Variants in PRKAG2 observed in about 807,000 individuals in gnomAD.
PRKAG2 encodes the protein 5'-AMP-activated protein kinase subunit gamma-2.
PRKAG2 carries 26 observed loss-of-function variants against 69.6 expected under a neutral mutation model. The ratio of observed to expected loss-of-function variants is 0.37; its 90% CI spans 0.27 to 0.52. The LOEUF is 0.52. Among genes scored for constraint, PRKAG2 ranks in the 20% least tolerant of loss-of-function variants. The pLI, the probability that PRKAG2 is intolerant of heterozygous loss-of-function variation, is 0.90. For missense variants in PRKAG2, 557 were observed against 740.0 expected (o/e 0.75, Z 2.87); for synonymous variants, 293 against 285.0 (o/e 1.03, Z -0.28).
At chr7:151,849,240 G>A (rs1425257430) in intron 1 of PRKAG2, among the ~76,000 whole-genome samples, 8 of 152,250 alleles carry the variant, frequency 5.3e-5, no homozygotes, top group African/African-American at 1.4e-4. Flanking sequence ...CCGATGCACC[G>A]TGCTTTGGAG....
Position 151,719,010 on chromosome 7 carries a change from C to T in PRKAG2, c.467-43373G>A, listed in dbSNP as rs1033776012. ...TCAGATGATTCCTGTTCTCTCTGTG[C>T]TCAGACTTTCCAACCCACCCACAAA... On this transcript the variant is annotated intron_variant, in intron 3 of 15. Transcript: ENST00000287878. This position sits in a 1 kb window ranked among gnomAD's most constrained non-coding sequence, Gnocchi z 5.2. 6.6e-6 allele frequency among the ~76,000 whole-genome samples: 1 copy of T among 152,178 alleles called. No individual in the cohort carries two copies. Among genetic ancestry groups the T allele is most frequent in the Admixed American group, 6.5e-5 (1 of 15,290 alleles).
chr7:151,789,964 G>A (rs2077196063), intron 1 of PRKAG2, among the ~76,000 whole-genome samples: 1 of 152,186 alleles, frequency 6.6e-6, no homozygotes, highest in Non-Finnish European at 1.5e-5. Flanking sequence ...AGCCCAGGCA[G>A]AGGGTTTGTC....
intron 3 of PRKAG2, among the ~76,000 whole-genome samples, chr7:151,759,553 G>A (rs1037339986): frequency 1.3e-5 from 2 of 152,170 alleles, no homozygotes; most frequent in African/African-American, 4.8e-5. Context: ...GAAACGCCTG[G>A]GCAGGCAGGT....
chr7:151,680,297 A>G (rs910446461), intron 3 of PRKAG2, among the ~76,000 whole-genome samples: 7 of 152,202 alleles, frequency 4.6e-5, no homozygotes, highest in Admixed American at 1.3e-4. Context: ...CAGAGCCTGG[A>G]GACGCAGAGG....
intron 3 of PRKAG2, among the ~76,000 whole-genome samples, chr7:151,739,841 T>C (rs932737648): frequency 1.3e-5 from 2 of 152,170 alleles, no homozygotes; most frequent in African/African-American, 2.4e-5. Flanking sequence ...TTTTCAGCTC[T>C]GCCTGCTGAA....
At chr7:151,608,017 C>G (rs184429947) in intron 5 of PRKAG2, among the ~76,000 whole-genome samples, 96 of 152,172 alleles carry the variant, frequency 6.3e-4, no homozygotes, top group Middle Eastern at 3.4e-3. Context: ...GACAAGTGTC[C>G]TTATAAGAGA....
chr7:151,612,894 G>C (rs1819201416), intron 5 of PRKAG2, among the ~76,000 whole-genome samples: 2 of 152,218 alleles, frequency 1.3e-5, no homozygotes, highest in Admixed American at 1.3e-4. Context: ...GTGGGGCAGC[G>C]ACCTTCATTC....
intron 3 of PRKAG2, among the ~76,000 whole-genome samples, chr7:151,689,978 G>A (rs1835409421): frequency 6.6e-6 from 1 of 152,178 alleles, no homozygotes; most frequent in South Asian, 2.1e-4. Flanking sequence ...TCTCCACGGA[G>A]GAGGAAGAGA....
chr7:151,804,120 T>C (rs1423873360), intron 1 of PRKAG2, among the ~76,000 whole-genome samples: 2 of 152,160 alleles, frequency 1.3e-5, no homozygotes, highest in East Asian at 1.9e-4. Context: ...CTGTCTCTTA[T>C]CTGTTTTGCT....
At chr7:151,787,270 T>C (rs754017291) in intron 1 of PRKAG2, among the ~76,000 whole-genome samples, 7 of 152,182 alleles carry the variant, frequency 4.6e-5, no homozygotes, top group Non-Finnish European at 8.8e-5. Flanking sequence ...TTTGGTGGCA[T>C]GAAGCACATT....
rs2078954491 is a variant in PRKAG2, at chr7:151,828,357, T to C, written c.115-41816A>G. Among the ~76,000 whole-genome samples the C allele has an allele frequency of 6.6e-6, 1 of 152,192 alleles. No homozygotes were observed. Among genetic ancestry groups the C allele is most frequent in the Non-Finnish European group, 1.5e-5 (1 of 68,030 alleles). Reference sequence around the variant, plus strand: ...CCCCGGATTCAGGTCTATGTTGTATTCATCTCTGCACAGTTCCTGATAGAC... The same window carrying C: ...CCCCGGATTCAGGTCTATGTTGTATCCATCTCTGCACAGTTCCTGATAGAC... On this transcript the variant is annotated intron_variant, in intron 1 of 15. Coordinates refer to ENST00000287878, the MANE Select transcript of PRKAG2 (RefSeq NM_016203.4). This position sits in a 1 kb window ranked among gnomAD's most constrained non-coding sequence, Gnocchi z 4.6.
chr7:151,754,184 T>G (rs963363129), intron 3 of PRKAG2, among the ~76,000 whole-genome samples: 2 of 152,232 alleles, frequency 1.3e-5, no homozygotes, highest in African/African-American at 4.8e-5. Flanking sequence ...GAATTTTTCG[T>G]TGGCTTCTCC....
intron 5 of PRKAG2, among the ~76,000 whole-genome samples, chr7:151,599,876 C>A (rs377572797): frequency 6.6e-6 from 1 of 152,202 alleles, no homozygotes; most frequent in Non-Finnish European, 1.5e-5. Context: ...TACCTCCCTG[C>A]CTCTTGTATT....
At chr7:151,783,832 G>A (rs35995278) in intron 2 of PRKAG2, among the ~76,000 whole-genome samples, 1 of 143,750 alleles carries the variant, frequency 7.0e-6, no homozygotes, top group Non-Finnish European at 1.5e-5. Flanking sequence ...TTGAGCCCCA[G>A]AGATGGAGGT....
chr7:151,628,576 G>A (rs1438926118), intron 5 of PRKAG2, among the ~76,000 whole-genome samples: 1 of 152,042 alleles, frequency 6.6e-6, no homozygotes, highest in Non-Finnish European at 1.5e-5. Context: ...GCCAGGCATG[G>A]TGGCATGCGC....
chr7:151,574,975 A>G (rs754091836), intron 7 of PRKAG2, 26 bp from the exon 8 acceptor site: 2 of 1,611,496 alleles, frequency 1.2e-6, no homozygotes, highest in East Asian at 4.5e-5. Flanking sequence ...ACATGTTACA[A>G]ATAAAACCAT....
rs960283456 is a variant in PRKAG2, at chr7:151,565,640, C to G, written c.1399+80G>C. On this transcript the variant is annotated intron_variant, in intron 12 of 15. Transcript: ENST00000287878. The stretch of plus-strand genomic sequence containing the variant: ...CCAAGTTTTCATTTTCCCCACGTAT[C>G]TCCTGTGCCAGGTCATCTTACAATA... 2.0e-6 allele frequency: 3 copies of G among 1,537,996 alleles called. No homozygotes were observed. The African/African-American group carries it at 4.1e-5, about 21-fold the overall frequency.
chr7:151,597,821 C>G (rs1563219045), intron 5 of PRKAG2, among the ~76,000 whole-genome samples: 1 of 19,766 alleles, frequency 5.1e-5, no homozygotes, highest in East Asian at 0.023. Context: ...CAAAAGGGAG[C>G]CCCCCCCCCC....
At chr7:151,869,712 T>C (rs889274956) in intron 1 of PRKAG2, among the ~76,000 whole-genome samples, 1 of 152,246 alleles carries the variant, frequency 6.6e-6, no homozygotes, top group Non-Finnish European at 1.5e-5. Flanking sequence ...TCAAGCGGCA[T>C]TGGGCCAATG....
Sources: allele counts gnomAD v4.1 joint callset (sites outside exome capture counted in the v4.1 genomes callset), GRCh38; gene constraint gnomAD v4.1.1; non-coding constraint Gnocchi (gnomAD v3.1); transcripts MANE v1.5; gene names NCBI Gene and HGNC (gene_info 2026-07-23, HGNC 2026-07-21).